CADPS: variants seen among roughly 807,000 people sequenced by gnomAD.
CADPS encodes the protein calcium dependent secretion activator, also known as calcium-dependent secretion activator 1.
In CADPS, 57 loss-of-function variants were observed where a neutral mutation model predicts 167.3. The observed-to-expected ratio is 0.34, with a 90% CI of 0.28 to 0.42. The LOEUF (loss-of-function observed/expected upper bound fraction) is 0.42, where lower values mean the gene tolerates loss of function less well. Ranked by LOEUF, CADPS falls within the 20% of genes least tolerant of loss-of-function variation. The pLI is 1.00. For missense variants in CADPS, 1,414 were observed against 1,738.1 expected (o/e 0.81, Z 3.32); for synonymous variants, 676 against 635.3 (o/e 1.06, Z -0.96).
chr3:62,483,502 C>T (rs185671756), intron 21 of CADPS, among the ~76,000 whole-genome samples: 67 of 152,220 alleles, frequency 4.4e-4, no homozygotes, highest in African/African-American at 1.5e-3. Flanking sequence ...AGCTCATAGA[C>T]TGAAAAACCT....
intron 3 of CADPS, among the ~76,000 whole-genome samples, chr3:62,750,845 G>C (rs1357162045): frequency 1.3e-5 from 2 of 152,074 alleles, no homozygotes; most frequent in Non-Finnish European, 2.9e-5. Flanking sequence ...TGTTCTATTG[G>C]ATAAAGAAAA....
intron 3 of CADPS, among the ~76,000 whole-genome samples, chr3:62,712,835 G>A (rs2083667941): frequency 2.0e-5 from 3 of 152,140 alleles, no homozygotes; most frequent in African/African-American, 7.2e-5. Flanking sequence ...CATAAATTGT[G>A]CTCTAGGGCA....
intron 6 of CADPS, among the ~76,000 whole-genome samples, chr3:62,631,847 C>T (rs918546087): frequency 2.0e-5 from 3 of 151,932 alleles, no homozygotes; most frequent in Non-Finnish European, 1.5e-5. Context: ...TGGTAGAAGC[C>T]GAAGAGATAG....
In CADPS at chr3:62,465,296, C is replaced by A. The variant is rs930400359; in HGVS notation, c.3636+71G>T. 38 of 1,081,608 alleles carry A rather than the reference C, an allele frequency of 3.5e-5. No homozygotes were observed. The highest frequency in any genetic ancestry group is 4.8e-5 in the Non-Finnish European group (35 of 727,146). 67.0% of individuals were successfully genotyped at this position (1,081,608 alleles called of 1,614,324 possible). A position where few individuals can be genotyped will look rare whatever the true frequency, so the allele number is the denominator to read the frequency against. On this transcript the variant is annotated intron_variant, in intron 26 of 29. Transcript: ENST00000383710. This position sits in a 1 kb window ranked among gnomAD's most constrained non-coding sequence, Gnocchi z 4.1. ...CCCATCCCAAAACAAAATGACACAA[C>A]ATAACTCCTCTCCCAAGCCGAAACC... is the stretch of plus-strand genomic sequence containing the variant.
At chr3:62,742,147 C>T (rs968690581) in intron 3 of CADPS, among the ~76,000 whole-genome samples, 1 of 152,134 alleles carries the variant, frequency 6.6e-6, no homozygotes, top group African/African-American at 2.4e-5. Context: ...AATGGAAAAA[C>T]ATCCAATGCT....
chr3:62,721,140 A>ATT (rs1564299964), intron 3 of CADPS, among the ~76,000 whole-genome samples: 12 of 77,478 alleles, frequency 1.5e-4, no homozygotes, highest in African/African-American at 7.1e-4. Context: ...TTTTTAAAAA[A>ATT]AAAAAGAAGA....
At position 62,592,654 on chromosome 3, in the gene CADPS, C is replaced by T; in HGVS notation, c.1420G>A (p.Asp474Asn). 1 of 1,613,736 alleles carries T rather than the reference C, an allele frequency of 6.2e-7. No individual in the cohort carries two copies. The highest frequency in any genetic ancestry group is 1.1e-5 in the South Asian group (1 of 91,054). ...GTGCTTACCCGCCCAAGCTCCTTGT[C>T]CTCCAACGCCAGGACGCCTGTGCTC... ...TESTGVLALE[D>N]KELGRVILHP... The change falls in exon 7 of 30, where the codon GAC becomes AAC. Residue 474 changes from aspartate (D) to asparagine (N), a missense_variant. Physicochemically the swap from Asp to Asn is conservative, Grantham distance 23. Around this residue, in one of 6 missense-constraint regions of CADPS, gnomAD observed 157 missense variants for 229.4 expected, o/e 0.68. Transcript: ENST00000383710.
intron 17 of CADPS, among the ~76,000 whole-genome samples, chr3:62,505,444 G>A (rs750980108): frequency 2.0e-5 from 3 of 152,030 alleles, no homozygotes; most frequent in East Asian, 1.9e-4. Flanking sequence ...ATCTCACACC[G>A]TACTAGATCA....
At chr3:62,652,010 G>T (rs1002568860) in intron 4 of CADPS, among the ~76,000 whole-genome samples, 2 of 152,104 alleles carry the variant, frequency 1.3e-5, no homozygotes, top group Non-Finnish European at 2.9e-5. Context: ...CAGGGCTCAG[G>T]TGATATCACC....
rs1575711206 is a variant in CADPS at position 62,416,963 on chromosome 3, C to T, written c.3778-13778G>A. Among the ~76,000 whole-genome samples the T allele has an allele frequency of 2.6e-5, 4 of 152,120 alleles. No individual in the cohort carries two copies. The East Asian group carries it at 7.8e-4, about 29-fold the overall frequency. On this transcript the variant is annotated intron_variant, in intron 28 of 29. Coordinates refer to ENST00000383710, the MANE Select transcript of CADPS (RefSeq NM_003716.4). The stretch of plus-strand genomic sequence containing the variant: ...GGAGTGGCGCGATCACGGCTCACTG[C>T]AGCCTCAACCTCCCTGGGCTCAGGT...
At position 62,544,217 on chromosome 3, in the gene CADPS, C is replaced by T. The variant is rs1352846362; in HGVS notation, c.1966+5686G>A. On this transcript the variant is annotated intron_variant, in intron 11 of 29. Coordinates refer to ENST00000383710, the MANE Select transcript of CADPS (RefSeq NM_003716.4). This position sits in a 1 kb window ranked among gnomAD's most constrained non-coding sequence, Gnocchi z 4.4. ...TTTCAAAATTAATCCTCTATTGGGT[C>T]TTACATTAGAGCACACCCTTAAGCC... Among the ~76,000 whole-genome samples the T allele has an allele frequency of 6.6e-6, 1 of 152,026 alleles. No homozygotes were observed.
chr3:62,425,307 C>A (rs1017567016), intron 28 of CADPS, among the ~76,000 whole-genome samples: 1 of 152,094 alleles, frequency 6.6e-6, no homozygotes, highest in Non-Finnish European at 1.5e-5. Context: ...CACCGCCTAT[C>A]CATTAGATGC....
intron 1 of CADPS, among the ~76,000 whole-genome samples, chr3:62,786,351 A>G (rs1216835155): frequency 6.6e-6 from 1 of 152,160 alleles, no homozygotes; most frequent in African/African-American, 2.4e-5. Context: ...GGATGTACCC[A>G]TATATTTGAC....
At chr3:62,608,884 G>C (rs945372242) in intron 6 of CADPS, among the ~76,000 whole-genome samples, 15 of 152,100 alleles carry the variant, frequency 9.9e-5, no homozygotes, top group Non-Finnish European at 2.2e-4. Context: ...CAACTTGTAC[G>C]CCTCCTTCCA....
At chr3:62,704,814 G>C (rs1041797470) in intron 3 of CADPS, among the ~76,000 whole-genome samples, 1 of 152,106 alleles carries the variant, frequency 6.6e-6, no homozygotes, top group Admixed American at 6.5e-5. Flanking sequence ...TTCAGAATTC[G>C]TAGGCATTGT....
At chr3:62,643,343 A>C (rs1213448041) in intron 6 of CADPS, among the ~76,000 whole-genome samples, 1 of 152,210 alleles carries the variant, frequency 6.6e-6, no homozygotes, top group African/African-American at 2.4e-5. Flanking sequence ...GACTGATTTC[A>C]CTTGACCCTG....
At chr3:62,805,409 C>A (rs1261293091) in intron 1 of CADPS, among the ~76,000 whole-genome samples, 1 of 152,138 alleles carries the variant, frequency 6.6e-6, no homozygotes, top group East Asian at 1.9e-4. Context: ...TTGATCACTC[C>A]ATTAGGAAGC....
At chr3:62,752,841 AG>A (rs1212754710) in intron 3 of CADPS, among the ~76,000 whole-genome samples, 6 of 152,394 alleles carry the variant, frequency 3.9e-5, no homozygotes, top group Middle Eastern at 6.8e-3. Flanking sequence ...TGCTAAGCTT[AG>A]GCAGGATATC....
At chr3:62,719,756 G>A (rs1283722472) in intron 3 of CADPS, among the ~76,000 whole-genome samples, 1 of 152,194 alleles carries the variant, frequency 6.6e-6, no homozygotes, top group East Asian at 1.9e-4. Context: ...GGCCGTGATG[G>A]TCATTCATCA....
Sources: allele counts gnomAD v4.1 joint callset (sites outside exome capture counted in the v4.1 genomes callset), GRCh38; gene constraint gnomAD v4.1.1; regional missense constraint gnomAD v4.1.1; non-coding constraint Gnocchi (gnomAD v3.1); transcripts MANE v1.5; gene names NCBI Gene and HGNC (gene_info 2026-07-23, HGNC 2026-07-21).